Variants in GLUD1 observed in about 807,000 individuals in gnomAD.
The protein encoded by GLUD1 is glutamate dehydrogenase 1, mitochondrial.
A neutral mutation model predicts 56.0 loss-of-function variants in GLUD1; 22 were observed. That is an observed-to-expected ratio of 0.39 (90% CI 0.28 to 0.56). The LOEUF (loss-of-function observed/expected upper bound fraction) is 0.56, where lower values mean the gene tolerates loss of function less well. Ranked by LOEUF, GLUD1 falls within the 20% of genes least tolerant of loss-of-function variation. The pLI is 0.58. For synonymous variants in GLUD1, 223 were observed against 269.9 expected (o/e 0.83, Z 1.70); for missense variants, 451 against 732.0 (o/e 0.62, Z 4.43).
Position 87,051,706 on chromosome 10 carries a change from A to G in GLUD1, c.*45T>C, listed in dbSNP as rs758182664. ...ATGTAAACTTGTGATAGGTCTGCAG[A>G]AGTTACATGTGAAGAGGATAGTGAG... is the stretch of plus-strand genomic sequence containing the variant. On this transcript the variant is annotated 3_prime_UTR_variant, in exon 13 of 13. Coordinates refer to ENST00000277865, the MANE Select transcript of GLUD1 (RefSeq NM_005271.5). The G allele has an allele frequency of 6.2e-7, 1 of 1,605,650 alleles. No homozygotes were observed. The highest frequency in any genetic ancestry group is 8.5e-7 in the Non-Finnish European group (1 of 1,174,074).
At chr10:87,085,700 G>C (rs1209173469) in intron 1 of GLUD1, among the ~76,000 whole-genome samples, 10 of 152,180 alleles carry the variant, frequency 6.6e-5, no homozygotes. Context: ...CTTCTCCTTA[G>C]GGGTGACTAT....
At position 87,094,825 on chromosome 10, in the gene GLUD1, A is replaced by G; in HGVS notation, c.-56T>C. On this transcript the variant is annotated 5_prime_UTR_variant, in exon 1 of 13. Coordinates refer to ENST00000277865, the MANE Select transcript of GLUD1 (RefSeq NM_005271.5). The surrounding 1 kb of genome is among the most constrained non-coding windows in gnomAD (Gnocchi z 6.6). ...TCGCGAAACAGGCGCGCTTTCTCAG[A>G]CTCCCCGCGACTAGGGAGGAAGGGT... 7.5e-7 allele frequency: 1 copy of G among 1,326,024 alleles called. No individual in the cohort carries two copies. Among genetic ancestry groups the G allele is most frequent in the South Asian group, 1.3e-5 (1 of 77,780 alleles). 82.1% of individuals were successfully genotyped at this position (1,326,024 alleles called of 1,614,324 possible). A position where few individuals can be genotyped will look rare whatever the true frequency, so the allele number is the denominator to read the frequency against.
intron 12 of GLUD1, among the ~76,000 whole-genome samples, chr10:87,052,694 A>AAAAAAAAAAAAAG (rs1845669999): frequency 6.7e-6 from 1 of 150,122 alleles, no homozygotes; most frequent in Non-Finnish European, 1.5e-5. Flanking sequence ...AAAAAAAAAA[A>AAAAAAAAAAAAAG]AGGGAGTGAT....
At chr10:87,080,959 G>C (rs1331410601) in intron 1 of GLUD1, among the ~76,000 whole-genome samples, 2 of 143,906 alleles carry the variant, frequency 1.4e-5, no homozygotes, top group African/African-American at 2.6e-5. Context: ...CAGCCGCTCC[G>C]AGAGGGAGGT....
chr10:87,093,163 A>G (rs1052875773), intron 1 of GLUD1, among the ~76,000 whole-genome samples: 2 of 152,210 alleles, frequency 1.3e-5, no homozygotes, highest in Non-Finnish European at 2.9e-5. Flanking sequence ...TTTCCGGTAC[A>G]GAGAGGATTT....
At chr10:87,057,819 CAG>C in intron 10 of GLUD1, 37 bp from the exon 11 acceptor site, 5 of 815,048 alleles carry the variant, frequency 6.1e-6, no homozygotes, top group African/African-American at 4.7e-5. Context: ...ATATTGCTAA[CAG>C]AAAAAAAAAA....
chr10:87,060,446 TG>T (rs1276412881), intron 8 of GLUD1: 12 of 665,590 alleles, frequency 1.8e-5, no homozygotes, highest in African/African-American at 1.3e-4. Context: ...TTTGTTTGCT[TG>T]TTTTTTTTTT....
At chr10:87,064,090 T>C (rs1288139616) in intron 5 of GLUD1, among the ~76,000 whole-genome samples, 2 of 152,032 alleles carry the variant, frequency 1.3e-5, no homozygotes, top group Non-Finnish European at 2.9e-5. Flanking sequence ...TAGAGTAGAG[T>C]ATTTTTAGTA....
At chr10:87,053,454 G>A (rs1277306301) in intron 11 of GLUD1, 50 bp from the exon 12 acceptor site, 3 of 1,159,592 alleles carry the variant, frequency 2.6e-6, no homozygotes, top group Admixed American at 1.7e-5. Flanking sequence ...GACCTGCTTT[G>A]TGTCCCTGTA....
chr10:87,094,625 C>G lies in GLUD1; in HGVS notation c.145G>C (p.Ala49Pro). 1 of 1,609,268 alleles carries G rather than the reference C, an allele frequency of 6.2e-7. No individual in the cohort carries two copies. Among genetic ancestry groups the G allele is most frequent in the Non-Finnish European group, 8.5e-7 (1 of 1,178,946 alleles). ...ACCGCCTCGCTGTAGTGGCGCCGGGCGGCCAATGCCAGCCCCGGCTGCGGG... is the reference window on the plus strand; with the variant it reads ...ACCGCCTCGCTGTAGTGGCGCCGGGGGGCCAATGCCAGCCCCGGCTGCGGG... ...AAPQPGLALAARRHYSEAVAD... is the reference protein window; with the variant it reads ...AAPQPGLALAPRRHYSEAVAD... Residue 49 changes from alanine (A) to proline (P), a missense_variant, in exon 1 of 13, where the codon GCC becomes CCC. This residue lies in a region of GLUD1 where 158 missense variants were observed against 189.7 expected (regional missense o/e 0.83). Transcript: ENST00000277865. The surrounding 1 kb of genome is among the most constrained non-coding windows in gnomAD (Gnocchi z 6.6).
Position 87,074,580 on chromosome 10 carries a change from G to A in GLUD1, c.617C>T (p.Thr206Ile). The A allele has an allele frequency of 1.3e-6, 2 of 1,592,576 alleles. No individual in the cohort carries two copies. The highest frequency in any genetic ancestry group is 1.7e-6 in the Non-Finnish European group (2 of 1,160,582). ...AAAGCCCTTTTTTGCTAGCTCCATG[G>A]TGAACCTCCTTGTGATCTTTTCCAA... ...NELEKITRRF[T>I]MELAKKGFIG... The change falls in exon 4 of 13, where the codon ACC (threonine) becomes ATC (isoleucine). Residue 206 changes from threonine to isoleucine, a missense_variant. Transcript: ENST00000277865.
chr10:87,071,243 A>T (rs1216541064), intron 4 of GLUD1, among the ~76,000 whole-genome samples: 4 of 151,760 alleles, frequency 2.6e-5, no homozygotes, highest in African/African-American at 9.7e-5. Flanking sequence ...CCCAGGCTGG[A>T]GTACAATGGC....
intron 1 of GLUD1, among the ~76,000 whole-genome samples, chr10:87,088,687 T>A (rs1841443503): frequency 2.0e-5 from 3 of 152,246 alleles, no homozygotes; most frequent in African/African-American, 7.2e-5. Context: ...TTGTCATCTT[T>A]CACATTTTCC....
intron 12 of GLUD1, among the ~76,000 whole-genome samples, chr10:87,052,515 C>A (rs879666643): frequency 1.1e-4 from 16 of 150,702 alleles, no homozygotes; most frequent in East Asian, 2.0e-4. Flanking sequence ...AAAACAAAAT[C>A]AAAAATTAGT....
intron 5 of GLUD1, among the ~76,000 whole-genome samples, chr10:87,067,382 C>T (rs1055965796): frequency 2.0e-5 from 3 of 152,126 alleles, no homozygotes; most frequent in Non-Finnish European, 2.9e-5. Flanking sequence ...TATACCACCA[C>T]GCTTGGCTAA....
chr10:87,080,889 G>A (rs1183420787), intron 1 of GLUD1, among the ~76,000 whole-genome samples: 13 of 147,328 alleles, frequency 8.8e-5, no homozygotes, highest in Admixed American at 8.6e-4. Flanking sequence ...CCGTCCGGGA[G>A]GTGAGGGGCG....
rs374469126 is a variant in GLUD1, at chr10:87,068,137, C to T, written c.667G>A (p.Ala223Thr). 87 of 1,612,330 alleles carry T rather than the reference C, an allele frequency of 5.4e-5. No individual in the cohort carries two copies. Among genetic ancestry groups the T allele is most frequent in the Non-Finnish European group, 6.3e-5 (74 of 1,178,516 alleles). ...GFIGPGIDVP[A>T]PDMSTGEREM... Reference sequence around the variant, plus strand: ...CGCTCACCTGTGCTCATGTCTGGAGCAGGCACATCAATGCCAGGACCTGCG... The same window carrying T: ...CGCTCACCTGTGCTCATGTCTGGAGTAGGCACATCAATGCCAGGACCTGCG... The change falls in exon 5 of 13, where the codon GCT becomes ACT. Residue 223 changes from alanine (A) to threonine (T), a missense_variant. Around this residue, in one of 4 missense-constraint regions of GLUD1, gnomAD observed 248 missense variants for 460.0 expected, o/e 0.54. Coordinates refer to ENST00000277865, the MANE Select transcript of GLUD1 (RefSeq NM_005271.5).
rs139579928 is a variant in GLUD1 at position 87,094,394 on chromosome 10, C to G, written c.376G>C (p.Asp126His). The G allele has an allele frequency of 6.2e-7, 1 of 1,613,326 alleles. No individual in the cohort carries two copies. The highest frequency in any genetic ancestry group is 1.1e-5 in the South Asian group (1 of 91,042). The change falls in exon 1 of 13, where the codon GAC becomes CAC. Residue 126 changes from aspartate (D) to histidine (H), a missense_variant. Transcript: ENST00000277865. The surrounding 1 kb of genome is among the most constrained non-coding windows in gnomAD (Gnocchi z 6.6). ...CCTTCGATGACCTCCCAGGAGCCGTCGTCGCGCCGGATGGGGAAGGAGAGA... is the reference window on the plus strand; with the variant it reads ...CCTTCGATGACCTCCCAGGAGCCGTGGTCGCGCCGGATGGGGAAGGAGAGA... ...LSLSFPIRRD[D>H]GSWEVIEGYR...
chr10:87,068,669 C>A (rs565398299), intron 4 of GLUD1, among the ~76,000 whole-genome samples: 2 of 152,210 alleles, frequency 1.3e-5, no homozygotes, highest in East Asian at 3.9e-4. Flanking sequence ...TTGTGTTAAG[C>A]CCCATATTAT....
Sources: gnomAD v4.1 joint callset for allele counts (sites outside exome capture counted in the v4.1 genomes callset) on GRCh38, gnomAD v4.1.1 for gene constraint, gnomAD v4.1.1 regional missense constraint, Gnocchi (gnomAD v3.1) non-coding constraint, MANE v1.5 for transcripts, NCBI Gene and HGNC (gene_info 2026-07-23, HGNC 2026-07-21) for gene names.